The following CLEC16A variants were observed in gnomAD, a reference collection of about 807,000 sequenced individuals.
The protein encoded by CLEC16A is C-type lectin domain containing 16A.
CLEC16A carries 51 observed loss-of-function variants against 109.5 expected under a neutral mutation model. The ratio of observed to expected loss-of-function variants is 0.47; its 90% confidence interval spans 0.37 to 0.59. The LOEUF is 0.59. CLEC16A is among the 20% of genes least tolerant of loss of function. The pLI, the probability that CLEC16A is intolerant of heterozygous loss-of-function variation, is 0.00. For missense variants in CLEC16A, 1,339 were observed against 1,394.0 expected, an observed-to-expected ratio of 0.96 and a Z score of 0.63; for synonymous variants, 673 against 564.2, an observed-to-expected ratio of 1.19 and a Z score of -2.73.
chr16:11,016,477 T>A (rs923557347), intron 11 of CLEC16A, among the ~76,000 whole-genome samples: 4 of 151,592 alleles, frequency 2.6e-5, no homozygotes, highest in Admixed American at 2.6e-4. Context: ...GCCTCCCCAG[T>A]AGTTGGGATT....
intron 18 of CLEC16A, among the ~76,000 whole-genome samples, chr16:11,051,878 G>A (rs1041468760): frequency 6.6e-6 from 1 of 152,246 alleles, no homozygotes; most frequent in Non-Finnish European, 1.5e-5. Context: ...CTGCAGAGAG[G>A]TAGCCTTCAC....
chr16:10,986,336 G>C (rs576163173), intron 10 of CLEC16A, among the ~76,000 whole-genome samples: 3 of 146,606 alleles, frequency 2.0e-5, no homozygotes, highest in East Asian at 4.1e-4. Flanking sequence ...CATTTTTAGA[G>C]TTGTGATAAG....
intron 17 of CLEC16A, chr16:11,048,028 C>G (rs1468273965): frequency 1.3e-5 from 2 of 152,290 alleles, no homozygotes; most frequent in African/African-American, 4.8e-5. Flanking sequence ...TGGGGATTCT[C>G]ATGTGTCTCA....
intron 11 of CLEC16A, among the ~76,000 whole-genome samples, chr16:11,005,747 C>T (rs1019334693): frequency 6.6e-6 from 1 of 152,148 alleles, no homozygotes; most frequent in African/African-American, 2.4e-5. Context: ...CTGTTAATTC[C>T]TGTGAGTCGG....
intron 3 of CLEC16A, among the ~76,000 whole-genome samples, chr16:10,967,817 A>C (rs2042584934): frequency 6.6e-6 from 1 of 152,206 alleles, no homozygotes; most frequent in African/African-American, 2.4e-5. Context: ...AGATGTGGAC[A>C]CAAGCAGGCC....
At chr16:10,955,447 G>A (rs1010241318) in intron 1 of CLEC16A, among the ~76,000 whole-genome samples, 11 of 152,044 alleles carry the variant, frequency 7.2e-5, no homozygotes, top group Admixed American at 5.2e-4. Context: ...AATATGTGTG[G>A]GTACAGAGGT....
At chr16:10,984,918 C>G (rs2043534240) in intron 10 of CLEC16A, among the ~76,000 whole-genome samples, 1 of 152,080 alleles carries the variant, frequency 6.6e-6, no homozygotes, top group Non-Finnish European at 1.5e-5. Flanking sequence ...ATATAAAGTG[C>G]CCGCTGGGCA....
chr16:10,958,269 G>A (rs939865341), intron 2 of CLEC16A, among the ~76,000 whole-genome samples: 1 of 152,216 alleles, frequency 6.6e-6, no homozygotes, highest in African/African-American at 2.4e-5. Context: ...AGGGCTCCCA[G>A]TTACCATGTT....
chr16:11,118,192 A>G (rs1011931544), intron 19 of CLEC16A, among the ~76,000 whole-genome samples: 4 of 151,970 alleles, frequency 2.6e-5, no homozygotes, highest in Non-Finnish European at 5.9e-5. Flanking sequence ...GGGCTCAAGC[A>G]TTCCACCCAC....
intron 19 of CLEC16A, among the ~76,000 whole-genome samples, chr16:11,074,314 C>T (rs2049232288): frequency 6.6e-6 from 1 of 152,190 alleles, no homozygotes; most frequent in African/African-American, 2.4e-5. Context: ...TAAACTTCTT[C>T]CCTGTGTACT....
intron 22 of CLEC16A, among the ~76,000 whole-genome samples, chr16:11,130,531 C>G (rs557974987): frequency 4.1e-4 from 63 of 152,364 alleles, no homozygotes; most frequent in Non-Finnish European, 8.7e-4. Context: ...CACCACCCTC[C>G]TCCTACTCAG....
In CLEC16A at chr16:11,174,212, T is replaced by C. The variant is rs975117298; in HGVS notation, c.2807-4123T>C. ...TCAGCCTGTCGGAGGCCGACAGTCA[T>C]GGCGGCCACTGGGTTTAGTGCTCCG... On this transcript the variant is annotated intron_variant, in intron 23 of 23. Transcript: ENST00000409790. This position sits in a 1 kb window ranked among gnomAD's most constrained non-coding sequence, Gnocchi z 4.7. 2.1e-6 allele frequency: 1 copy of C among 469,270 alleles called. No individual in the cohort carries two copies. The highest frequency in any genetic ancestry group is 2.0e-5 in the African/African-American group (1 of 50,202). 29.1% of individuals were successfully genotyped at this position (469,270 alleles called of 1,614,324 possible).
chr16:11,051,604 A>T lies in CLEC16A; in HGVS notation c.1958A>T (p.Lys653Met). Residue 653 changes from lysine (K) to methionine (M), a missense_variant, in exon 18 of 24, where the codon AAG (lysine) becomes ATG (methionine). Lys to Met is a moderately conservative substitution (Grantham distance 95). This residue lies in a region of CLEC16A where 1,061 missense variants were observed against 1,006.8 expected (regional missense o/e 1.05). Coordinates refer to ENST00000409790, the MANE Select transcript of CLEC16A (RefSeq NM_015226.3). ...GTPLTGIDFV[K>M]RLPCGDVEKT... ...CCACTGACGGGCATTGACTTCGTGA[A>T]GCGGCTGCCGTGTGGCGATGTGGAG... 1 of 1,614,014 alleles carries T rather than the reference A, an allele frequency of 6.2e-7. No individual in the cohort carries two copies. The highest frequency in any genetic ancestry group is 2.2e-5 in the East Asian group (1 of 44,882).
chr16:11,045,013 A>G (rs1446580176), intron 16 of CLEC16A, among the ~76,000 whole-genome samples: 1 of 151,908 alleles, frequency 6.6e-6, no homozygotes. Flanking sequence ...GCTAAAACAA[A>G]ACACCATAAA....
intron 10 of CLEC16A, among the ~76,000 whole-genome samples, chr16:10,986,009 A>T (rs1596893586): frequency 9.8e-6 from 1 of 101,584 alleles, no homozygotes; most frequent in African/African-American, 4.3e-5. Flanking sequence ...CCTGGCCTGC[A>T]GAATTTTTTT....
chr16:11,012,309 T>C (rs144443193), intron 11 of CLEC16A, among the ~76,000 whole-genome samples: 4 of 152,168 alleles, frequency 2.6e-5, no homozygotes, highest in Admixed American at 2.6e-4. Context: ...TAAGAAAGAT[T>C]TATGGGCCGG....
chr16:11,043,997 C>A, intron 15 of CLEC16A, 31 bp from the exon 16 acceptor site: 2 of 1,579,262 alleles, frequency 1.3e-6, no homozygotes, highest in Admixed American at 1.8e-5. Flanking sequence ...ATGAGACCTG[C>A]CTCCTTCACA....
At chr16:11,160,577 C>G (rs780068618) in intron 22 of CLEC16A, among the ~76,000 whole-genome samples, 7 of 152,154 alleles carry the variant, frequency 4.6e-5, no homozygotes, top group Non-Finnish European at 1.0e-4. Context: ...GCAGCTTTTT[C>G]TGCACCAAAA....
intron 19 of CLEC16A, among the ~76,000 whole-genome samples, chr16:11,095,366 C>A (rs536378093): frequency 1.3e-5 from 2 of 152,072 alleles, no homozygotes; most frequent in African/African-American, 4.8e-5. Context: ...GTGCAGGGCT[C>A]CCCCCACCTC....
Sources: gnomAD v4.1 joint callset for allele counts (sites outside exome capture counted in the v4.1 genomes callset) on GRCh38, gnomAD v4.1.1 for gene constraint, gnomAD v4.1.1 regional missense constraint, Gnocchi (gnomAD v3.1) non-coding constraint, MANE v1.5 for transcripts, NCBI Gene and HGNC (gene_info 2026-07-23, HGNC 2026-07-21) for gene names.